Variants in MYRF observed in about 807,000 individuals in gnomAD.
MYRF encodes the protein myelin gene regulatory factor.
A neutral mutation model predicts 126.3 loss-of-function variants in MYRF; 16 were observed. The ratio of observed to expected loss-of-function variants is 0.13; its 90% CI spans 0.09 to 0.19. MYRF has a LOEUF of 0.19. MYRF is among the 10% of genes least tolerant of loss of function. The pLI is 1.00. For synonymous variants in MYRF, 608 were observed against 635.3 expected (o/e 0.96, Z 0.65); for missense variants, 1,104 against 1,547.0 (o/e 0.71, Z 4.80).
Position 61,779,862 on chromosome 11 carries a change from C to T in MYRF, c.2268C>T (p.Asp756=), listed in dbSNP as rs1456811081. 1 of 1,614,116 alleles carries T rather than the reference C, an allele frequency of 6.2e-7. No homozygotes were observed. The highest frequency in any genetic ancestry group is 8.5e-7 in the Non-Finnish European group (1 of 1,179,966). ...VASKSSSVVP[D]QACISQRFLQ... ...CTCAGTCATCGTCCGTGGTTCCGGA[C>T]CAGGCCTGCATCAGCCAGCGCTTCC... Residue 756 remains aspartate (D), a synonymous_variant, in exon 17 of 27, where the codon GAC becomes GAT. Coordinates refer to ENST00000278836, the MANE Select transcript of MYRF (RefSeq NM_001127392.3).
Position 61,760,016 on chromosome 11 carries a change from T to TG in MYRF, c.47-5607dup, listed in dbSNP as rs964137605. The stretch of plus-strand genomic sequence containing the variant: ...CAGAGTCTCACTCTGTCGCCCAGGC[T>TG]GGAGTGTGGTGGCACGATCTCGGCT... On this transcript the variant is annotated intron_variant, in intron 1 of 26. Transcript: ENST00000278836. 6.7e-4 allele frequency among the ~76,000 whole-genome samples: 102 copies of TG among 151,842 alleles called. 1 individual carries two copies. The highest frequency in any genetic ancestry group is 3.5e-4 in the Non-Finnish European group (24 of 67,966).
rs1451048135 is a variant in MYRF, at chr11:61,783,747, C to T, written c.3120-104C>T. 3.6e-6 allele frequency: 5 copies of T among 1,380,840 alleles called. No individual in the cohort carries two copies. In the Admixed American group the frequency reaches 6.1e-5, roughly 17 times the overall value. The allele number at this position is 1,380,840 out of a possible 1,614,324, so 85.5% of individuals were successfully genotyped here. On this transcript the variant is annotated intron_variant, in intron 23 of 26. Coordinates refer to ENST00000278836, the MANE Select transcript of MYRF (RefSeq NM_001127392.3). The surrounding 1 kb of genome is among the most constrained non-coding windows in gnomAD (Gnocchi z 4.6). Reference sequence around the variant, plus strand: ...TTTCCAGGCTACCCTTGGACACTGTCTCTTCTGGAGGGCTCCAGTACAGAT... The same window carrying T: ...TTTCCAGGCTACCCTTGGACACTGTTTCTTCTGGAGGGCTCCAGTACAGAT...
At chr11:61,771,024 C>T (rs2066204660) in intron 5 of MYRF, among the ~76,000 whole-genome samples, 1 of 152,230 alleles carries the variant, frequency 6.6e-6, no homozygotes, top group Non-Finnish European at 1.5e-5. Context: ...GCTGTCAAAA[C>T]ATTTTGTAAA....
chr11:61,773,099 G>C (rs1443355671), intron 7 of MYRF, among the ~76,000 whole-genome samples: 3 of 151,892 alleles, frequency 2.0e-5, no homozygotes, highest in Non-Finnish European at 4.4e-5. Flanking sequence ...TCCGCCTCCT[G>C]GGTTCAAGCA....
chr11:61,774,571 G>GTGTA (rs1225299706), intron 8 of MYRF, among the ~76,000 whole-genome samples: 2 of 150,692 alleles, frequency 1.3e-5, no homozygotes, highest in Non-Finnish European at 3.0e-5. Context: ...GCGTGTGTGT[G>GTGTA]TGTATGTGTG....
At position 61,776,477 on chromosome 11, in the gene MYRF, G is replaced by A. The variant is rs748391313; in HGVS notation, c.1499+45G>A. On this transcript the variant is annotated intron_variant, in intron 10 of 26. Transcript: ENST00000278836. The surrounding 1 kb of genome is among the most constrained non-coding windows in gnomAD (Gnocchi z 4.3). ...GCCCCGGAGCCCCTCCATTTCTGAGGCAGGAAGACACTGCCCTGGGTGGCA... is the reference window on the plus strand; with the variant it reads ...GCCCCGGAGCCCCTCCATTTCTGAGACAGGAAGACACTGCCCTGGGTGGCA... The A allele has an allele frequency of 1.2e-5, 19 of 1,547,078 alleles. No homozygotes were observed. The Admixed American group carries it at 3.3e-4, about 27-fold the overall frequency.
rs1207114988 is a variant in MYRF, at chr11:61,783,141, T to C, written c.3017-357T>C. 1 of 197,708 alleles carries C rather than the reference T, an allele frequency of 5.1e-6. No homozygotes were observed. The highest frequency in any genetic ancestry group is 1.0e-5 in the Non-Finnish European group (1 of 95,528). The allele number at this position is 197,708 out of a possible 1,614,324, so 12.2% of individuals were successfully genotyped here. On this transcript the variant is annotated intron_variant, in intron 22 of 26. Transcript: ENST00000278836. The surrounding 1 kb of genome is among the most constrained non-coding windows in gnomAD (Gnocchi z 4.6). ...TGTGATGCTGTCAACACTGCTGATTTCAAGCTACCAGTGTAACTGATGTTT... is the reference window on the plus strand; with the variant it reads ...TGTGATGCTGTCAACACTGCTGATTCCAAGCTACCAGTGTAACTGATGTTT...
Position 61,783,649 on chromosome 11 carries a change from A to T in MYRF, c.3119+49A>T, listed in dbSNP as rs2066612578. On this transcript the variant is annotated intron_variant, in intron 23 of 26. Coordinates refer to ENST00000278836, the MANE Select transcript of MYRF (RefSeq NM_001127392.3). This position sits in a 1 kb window ranked among gnomAD's most constrained non-coding sequence, Gnocchi z 4.6. ...CCCAGGGAGGTCCTCAGGTGACATGAGCCCAGGTGGTACAGATCACCCGGA... is the reference window on the plus strand; with the variant it reads ...CCCAGGGAGGTCCTCAGGTGACATGTGCCCAGGTGGTACAGATCACCCGGA... The T allele has an allele frequency of 2.6e-6, 4 of 1,547,608 alleles. No individual in the cohort carries two copies. In the Admixed American group the frequency reaches 6.7e-5, roughly 26 times the overall value.
rs1408536239 is a variant in MYRF, at chr11:61,781,881, G to A, written c.3016+57G>A. 9.5e-6 allele frequency: 14 copies of A among 1,478,576 alleles called. No individual in the cohort carries two copies. In the Admixed American group the frequency reaches 3.2e-4, roughly 33 times the overall value. 91.6% of individuals were successfully genotyped at this position (1,478,576 alleles called of 1,614,324 possible). ...CAGCCTGGCAAGGCTCACTGGCCAGGGCCCACCTCAGCCCAGTCATGTGAC... is the reference window on the plus strand; with the variant it reads ...CAGCCTGGCAAGGCTCACTGGCCAGAGCCCACCTCAGCCCAGTCATGTGAC... On this transcript the variant is annotated intron_variant, in intron 22 of 26. Coordinates refer to ENST00000278836, the MANE Select transcript of MYRF (RefSeq NM_001127392.3).
chr11:61,778,367 C>T lies in MYRF; in HGVS notation c.1904-13C>T, dbSNP rs766706501. The T allele has an allele frequency of 6.3e-7, 1 of 1,587,852 alleles. No individual in the cohort carries two copies. The highest frequency in any genetic ancestry group is 1.3e-5 in the African/African-American group (1 of 74,322). On this transcript the variant is annotated splice_polypyrimidine_tract_variant and intron_variant, in intron 13 of 26. Coordinates refer to ENST00000278836, the MANE Select transcript of MYRF (RefSeq NM_001127392.3). The surrounding 1 kb of genome is among the most constrained non-coding windows in gnomAD (Gnocchi z 4.6). ...ACCCCCCCACCCATCTTTGGCTTGT[C>T]CCCTGCCCCCAGGTGTCATCGCTCA...
intron 1 of MYRF, chr11:61,755,819 G>A (rs1591070631): frequency 2.1e-6 from 1 of 465,684 alleles, no homozygotes; most frequent in South Asian, 1.6e-5. Flanking sequence ...AAGCAGGTGG[G>A]TGTGCAGGGA....
intron 1 of MYRF, among the ~76,000 whole-genome samples, chr11:61,763,522 T>A (rs1673465796): frequency 6.6e-6 from 1 of 152,152 alleles, no homozygotes; most frequent in Non-Finnish European, 1.5e-5. Flanking sequence ...GAGGATTGAG[T>A]AACACACCGC....
chr11:61,782,216 C>T (rs2066571848), intron 22 of MYRF: 1 of 188,674 alleles, frequency 5.3e-6, no homozygotes, highest in South Asian at 1.9e-4. Context: ...AACCTTGGAT[C>T]TTTGGTTTTA....
intron 3 of MYRF, chr11:61,766,808 A>G: frequency 2.9e-6 from 1 of 345,028 alleles, no homozygotes; most frequent in South Asian, 2.3e-5. Flanking sequence ...GCCAGACTCC[A>G]GGGCAGCTCC....
At chr11:61,761,692 T>C (rs1415641164) in intron 1 of MYRF, among the ~76,000 whole-genome samples, 3 of 152,244 alleles carry the variant, frequency 2.0e-5, no homozygotes, top group African/African-American at 7.2e-5. Flanking sequence ...TGTGCTGGGA[T>C]ACTATATCCC....
intron 1 of MYRF, among the ~76,000 whole-genome samples, chr11:61,761,921 G>C (rs911613961): frequency 2.6e-5 from 4 of 152,266 alleles, no homozygotes; most frequent in African/African-American, 9.6e-5. Flanking sequence ...AGCTGTGGGT[G>C]GTGGGCGGGT....
chr11:61,785,917 CT>C (rs771226307), intron 26 of MYRF, 43 bp downstream of exon 26: 5 of 1,594,118 alleles, frequency 3.1e-6, no homozygotes, highest in Middle Eastern at 1.7e-4. Flanking sequence ...CTGGGCACCC[CT>C]GTCTGCGACG....
chr11:61,766,135 C>G lies in MYRF; in HGVS notation c.312C>G (p.Asn104Lys). The G allele has an allele frequency of 6.2e-7, 1 of 1,610,960 alleles. No individual in the cohort carries two copies. The highest frequency in any genetic ancestry group is 8.5e-7 in the Non-Finnish European group (1 of 1,179,556). The change falls in exon 3 of 27, where the codon AAC becomes AAG. Residue 104 changes from asparagine (N) to lysine (K), a missense_variant. Physicochemically the swap from Asn to Lys is moderately conservative, Grantham distance 94 (BLOSUM62 0). Around this residue, in one of 10 missense-constraint regions of MYRF, gnomAD observed 368 missense variants for 403.9 expected, o/e 0.91. Transcript: ENST00000278836. The stretch of plus-strand genomic sequence containing the variant: ...GCACCCCGCTGAACTGCAACAACAA[C>G]AACGGCATGGGCGCTGCCCCCAAGC... ...GYGTPLNCNN[N>K]NGMGAAPKPF...
At position 61,783,243 on chromosome 11, in the gene MYRF, A is replaced by G. The variant is rs369931784; in HGVS notation, c.3017-255A>G. 14 of 370,130 alleles carry G rather than the reference A, an allele frequency of 3.8e-5. No homozygotes were observed. The highest frequency in any genetic ancestry group is 2.7e-4 in the African/African-American group (13 of 49,050). 22.9% of individuals were successfully genotyped at this position (370,130 alleles called of 1,614,324 possible). Reference sequence around the variant, plus strand: ...CGGGCTCCTGCACACCTGGCAGGGGATGTGAAGACCCATCCCTACTTCTGG... The same window carrying G: ...CGGGCTCCTGCACACCTGGCAGGGGGTGTGAAGACCCATCCCTACTTCTGG... On this transcript the variant is annotated intron_variant, in intron 22 of 26. Coordinates refer to ENST00000278836, the MANE Select transcript of MYRF (RefSeq NM_001127392.3). The surrounding 1 kb of genome is among the most constrained non-coding windows in gnomAD (Gnocchi z 4.6).
Sources: allele counts gnomAD v4.1 joint callset (sites outside exome capture counted in the v4.1 genomes callset), GRCh38; gene constraint gnomAD v4.1.1; regional missense constraint gnomAD v4.1.1; non-coding constraint Gnocchi (gnomAD v3.1); transcripts MANE v1.5; gene names NCBI Gene and HGNC (gene_info 2026-07-23, HGNC 2026-07-21).